The following CALU variants were observed in gnomAD, a reference collection of about 807,000 sequenced individuals.
CALU encodes the protein IEF SSP 9302.
A neutral mutation model predicts 37.5 loss-of-function variants in CALU; 13 were observed. That is an observed-to-expected ratio of 0.35 (90% CI 0.23 to 0.55). The LOEUF (loss-of-function observed/expected upper bound fraction) is 0.55, where lower values mean the gene tolerates loss of function less well. Ranked by LOEUF, CALU falls within the 20% of genes least tolerant of loss-of-function variation. The pLI, the probability that CALU is intolerant of heterozygous loss-of-function variation, is 0.89. For missense variants in CALU, 282 were observed against 391.7 expected, an observed-to-expected ratio of 0.72 and a Z score of 2.36; for synonymous variants, 114 against 133.8, an observed-to-expected ratio of 0.85 and a Z score of 1.02.
intron 3 of CALU, among the ~76,000 whole-genome samples, chr7:128,755,707 G>C (rs1477540017): frequency 6.6e-6 from 1 of 152,134 alleles, no homozygotes; most frequent in Non-Finnish European, 1.5e-5. Flanking sequence ...CTGAATACTA[G>C]GCAGTGAGTC....
chr7:128,763,577 T>C (rs1243067220), intron 5 of CALU, among the ~76,000 whole-genome samples: 1 of 152,172 alleles, frequency 6.6e-6, no homozygotes, highest in Non-Finnish European at 1.5e-5. Context: ...AAATAGTTTA[T>C]CATGGTCACC....
intron 5 of CALU, among the ~76,000 whole-genome samples, chr7:128,766,500 C>A (rs1801340772): frequency 7.1e-6 from 1 of 140,390 alleles, no homozygotes; most frequent in African/African-American, 2.7e-5. Context: ...ATGATCTCGG[C>A]TCACTGCAAC....
chr7:128,768,399 G>T (rs1801412335), intron 6 of CALU, among the ~76,000 whole-genome samples: 1 of 152,142 alleles, frequency 6.6e-6, no homozygotes, highest in Non-Finnish European at 1.5e-5. Context: ...AAAAGGAAAT[G>T]CATGTAGTCA....
chr7:128,768,847 C>CAAAGAAA (rs1801433653), intron 6 of CALU, among the ~76,000 whole-genome samples: 1 of 55,164 alleles, frequency 1.8e-5, no homozygotes, highest in African/African-American at 8.7e-5. Context: ...AACTCCGTCT[C>CAAAGAAA]AAAAAAAAAA....
At chr7:128,748,493 C>T (rs1456355529) in intron 1 of CALU, 80 bp from the exon 2 acceptor site, 7 of 1,229,400 alleles carry the variant, frequency 5.7e-6, no homozygotes, top group Non-Finnish European at 8.0e-6. Context: ...AATAGTTTAA[C>T]TCGGATGTGA....
chr7:128,746,762 CTTTTTTTTT>C (rs71162530), intron 1 of CALU, among the ~76,000 whole-genome samples: 5 of 122,660 alleles, frequency 4.1e-5, no homozygotes, highest in Non-Finnish European at 8.2e-5. Context: ...TCATGTCATT[CTTTTTTTTT>C]TTTTTTTTTT....
intron 3 of CALU, among the ~76,000 whole-genome samples, chr7:128,755,584 C>CA (rs1800851763): frequency 6.6e-6 from 1 of 152,152 alleles, no homozygotes. Flanking sequence ...GCCTGCTTTG[C>CA]AAGTGCTTTA....
At chr7:128,751,628 G>A (rs1585006224) in intron 2 of CALU, among the ~76,000 whole-genome samples, 2 of 152,194 alleles carry the variant, frequency 1.3e-5, no homozygotes, top group East Asian at 3.8e-4. Context: ...TAAGGAGGTT[G>A]AGATGAGAGG....
At position 128,773,354 on chromosome 7, in the gene CALU, C is replaced by T. The variant is rs1038943956; in HGVS notation, c.*4187C>T. On this transcript the variant is annotated 3_prime_UTR_variant, in exon 7 of 7. Transcript: ENST00000249364. ...GGTTTGTTACATAGGTAAACGTGTG[C>T]CATGGTGGTTTGCTGCACGAGTTTT... Among the ~76,000 whole-genome samples the T allele has an allele frequency of 6.6e-6, 1 of 152,060 alleles. No individual in the cohort carries two copies. The highest frequency in any genetic ancestry group is 2.4e-5 in the African/African-American group (1 of 41,380).
chr7:128,764,999 C>T (rs558005554), intron 5 of CALU, among the ~76,000 whole-genome samples: 1 of 152,094 alleles, frequency 6.6e-6, no homozygotes, highest in East Asian at 1.9e-4. Flanking sequence ...ACAGCAGCCT[C>T]GATCTCCAAG....
intron 2 of CALU, among the ~76,000 whole-genome samples, chr7:128,753,345 A>T (rs998049638): frequency 2.6e-5 from 4 of 152,250 alleles, no homozygotes; most frequent in Non-Finnish European, 5.9e-5. Flanking sequence ...CTTGGGTGAC[A>T]TTACATAGGA....
chr7:128,759,789 T>C lies in CALU; in HGVS notation c.583-3T>C, dbSNP rs566168617. On this transcript the variant is annotated splice_region_variant and splice_polypyrimidine_tract_variant and intron_variant, in intron 4 of 6. Transcript: ENST00000249364. ...TAGTCTCTTCTTATTCTTTCCTGTT[T>C]AGGAAACAATGGAAGATATAGATAA... is the stretch of plus-strand genomic sequence containing the variant. The C allele has an allele frequency of 1.5e-6, 2 of 1,310,274 alleles. No individual in the cohort carries two copies. Among genetic ancestry groups the C allele is most frequent in the South Asian group, 1.2e-5 (1 of 85,052 alleles). 81.2% of individuals were successfully genotyped at this position (1,310,274 alleles called of 1,614,324 possible).
chr7:128,761,474 A>G (rs1406754592), intron 5 of CALU: 55 of 152,184 alleles, frequency 3.6e-4, no homozygotes, highest in Admixed American at 3.5e-3. Context: ...CAGGTTGCCT[A>G]AGGAGGAGTG....
intron 4 of CALU, among the ~76,000 whole-genome samples, chr7:128,759,385 T>C (rs941020956): frequency 6.6e-6 from 1 of 152,210 alleles, no homozygotes; most frequent in African/African-American, 2.4e-5. Flanking sequence ...ATAACAGTGA[T>C]ACTAAAGAAC....
At position 128,769,271 on chromosome 7, in the gene CALU, A is replaced by C. The variant is rs1801464438; in HGVS notation, c.*104A>C. The C allele has an allele frequency of 1.6e-6, 1 of 622,900 alleles. No individual in the cohort carries two copies. The highest frequency in any genetic ancestry group is 2.8e-6 in the Non-Finnish European group (1 of 355,110). The allele number at this position is 622,900 out of a possible 1,614,324, so 38.6% of individuals were successfully genotyped here. ...TGAGACTGTTACTACAAACTTTTTA[A>C]GACATGAAAAGGCGTAATGAAAACC... is the stretch of plus-strand genomic sequence containing the variant. On this transcript the variant is annotated 3_prime_UTR_variant, in exon 7 of 7. Transcript: ENST00000249364.
chr7:128,754,596 A>G (rs1034632098), intron 3 of CALU, 141 bp downstream of exon 3: 4 of 1,552,036 alleles, frequency 2.6e-6, no homozygotes, highest in Middle Eastern at 1.7e-4. Context: ...GAAATCCTGG[A>G]TTAAGCACGC....
chr7:128,756,938 G>C (rs749119851), intron 3 of CALU, among the ~76,000 whole-genome samples: 18 of 152,088 alleles, frequency 1.2e-4, no homozygotes, highest in African/African-American at 1.7e-4. Flanking sequence ...AATTAGCCAG[G>C]AGTGGTAATA....
intron 6 of CALU, 37 bp from the exon 7 acceptor site, chr7:128,769,026 A>C: frequency 2.5e-5 from 27 of 1,094,722 alleles, no homozygotes; most frequent in South Asian, 3.8e-5. Flanking sequence ...AATGGGAAAT[A>C]TGTTCTTCTT....
chr7:128,749,453 T>G (rs1216963685), intron 2 of CALU, among the ~76,000 whole-genome samples: 1 of 152,190 alleles, frequency 6.6e-6, no homozygotes, highest in Non-Finnish European at 1.5e-5. Flanking sequence ...AGTTGATTAT[T>G]TCTAATTGGG....
Sources: allele counts gnomAD v4.1 joint callset (sites outside exome capture counted in the v4.1 genomes callset), GRCh38; gene constraint gnomAD v4.1.1; transcripts MANE v1.5; gene names NCBI Gene and HGNC (gene_info 2026-07-23, HGNC 2026-07-21).